The following OXR1 variants were observed in gnomAD, a reference collection of about 807,000 sequenced individuals.
OXR1 encodes the protein oxidation resistance protein 1.
OXR1 carries 41 observed loss-of-function variants against 104.6 expected under a neutral mutation model. The observed-to-expected ratio is 0.39, with a 90% CI of 0.31 to 0.51. The LOEUF (loss-of-function observed/expected upper bound fraction) is 0.51, where lower values mean the gene tolerates loss of function less well. Among genes scored for constraint, OXR1 ranks in the 20% least tolerant of loss-of-function variants. The pLI is 0.77. For synonymous variants in OXR1, 348 were observed against 348.4 expected (o/e 1.00, Z 0.01); for missense variants, 955 against 1,031.9 (o/e 0.93, Z 1.02).
chr8:106,426,668 G>C lies in OXR1; in HGVS notation c.23+67032G>C, dbSNP rs530690977. ...GCTTCACTTAGTTGTGTGACCTAGGGCAAGTTTTTAAAACTCTTTGTGCCT... is the reference window on the plus strand; with the variant it reads ...GCTTCACTTAGTTGTGTGACCTAGGCCAAGTTTTTAAAACTCTTTGTGCCT... On this transcript the variant is annotated intron_variant, in intron 2 of 16. Transcript: ENST00000517566. Among the ~76,000 whole-genome samples the C allele has an allele frequency of 3.3e-5, 5 of 152,152 alleles. No individual in the cohort carries two copies. The East Asian group carries it at 9.7e-4, about 29-fold the overall frequency.
intron 1 of OXR1, among the ~76,000 whole-genome samples, chr8:106,333,551 C>CTCTAA (rs1400761400): frequency 1.2e-4 from 18 of 151,996 alleles, no homozygotes; most frequent in Admixed American, 1.2e-3. Flanking sequence ...AAAAATATTT[C>CTCTAA]TCTAATCCAA....
intron 3 of OXR1, among the ~76,000 whole-genome samples, chr8:106,569,642 A>G (rs911076004): frequency 2.6e-5 from 4 of 152,154 alleles, no homozygotes; most frequent in Admixed American, 2.6e-4. Context: ...TGTCTTACTA[A>G]TTTGATTAAT....
At chr8:106,358,755 C>T (rs971770760) in intron 1 of OXR1, among the ~76,000 whole-genome samples, 2 of 152,030 alleles carry the variant, frequency 1.3e-5, no homozygotes, top group Non-Finnish European at 2.9e-5. Context: ...TTGTTACATA[C>T]ATAACACCCT....
chr8:106,711,406 CATT>C (rs1363437741), intron 10 of OXR1, among the ~76,000 whole-genome samples: 1 of 152,098 alleles, frequency 6.6e-6, no homozygotes, highest in Non-Finnish European at 1.5e-5. Context: ...GACATTGCAT[CATT>C]ACTTTTTCTC....
intron 1 of OXR1, among the ~76,000 whole-genome samples, chr8:106,330,657 C>T (rs1216960088): frequency 6.6e-6 from 1 of 152,136 alleles, no homozygotes; most frequent in Non-Finnish European, 1.5e-5. Context: ...TAGATTATGA[C>T]TTGTCTTCTT....
At chr8:106,410,009 C>T in intron 2 of OXR1, among the ~76,000 whole-genome samples, 1 of 139,834 alleles carries the variant, frequency 7.2e-6, no homozygotes. Context: ...AACACACACA[C>T]ACACACATAA....
intron 11 of OXR1, among the ~76,000 whole-genome samples, chr8:106,719,701 T>C (rs1334467498): frequency 2.0e-5 from 3 of 152,228 alleles, no homozygotes; most frequent in Non-Finnish European, 4.4e-5. Flanking sequence ...CCATAGTGTC[T>C]GTTAACATGT....
chr8:106,464,936 A>G (rs538960402), intron 2 of OXR1, among the ~76,000 whole-genome samples: 3 of 152,124 alleles, frequency 2.0e-5, no homozygotes, highest in African/African-American at 7.2e-5. Context: ...AGTAGTTACT[A>G]TATGCTAGGT....
At chr8:106,509,056 CAT>C (rs1321656609) in intron 2 of OXR1, among the ~76,000 whole-genome samples, 14 of 152,268 alleles carry the variant, frequency 9.2e-5, no homozygotes, top group Admixed American at 9.2e-4. Context: ...TTAAAATAGT[CAT>C]ATTTATTCTG....
At chr8:106,502,194 G>T (rs1053781218) in intron 2 of OXR1, among the ~76,000 whole-genome samples, 4 of 152,176 alleles carry the variant, frequency 2.6e-5, no homozygotes, top group African/African-American at 9.7e-5. Context: ...CCTGTGCTTA[G>T]CAAGGCTTCA....
rs140187380 is a variant in OXR1, at chr8:106,750,480, C to G, written c.2487-326C>G. 2.0e-5 allele frequency among the ~76,000 whole-genome samples: 3 copies of G among 152,020 alleles called. No homozygotes were observed. In the East Asian group the frequency reaches 5.8e-4, roughly 30 times the overall value. On this transcript the variant is annotated intron_variant, in intron 16 of 16. Transcript: ENST00000517566. ...AGCTGGGATTACAGGCATGTGCCAC[C>G]GCGCCTGGCTAATTTTTTTTGTATT...
intron 15 of OXR1, 162 bp downstream of exon 15, chr8:106,742,479 C>A: frequency 1.9e-6 from 1 of 518,026 alleles, no homozygotes; most frequent in Non-Finnish European, 3.4e-6. Context: ...AAAAAGAGCC[C>A]AAATAGCCAA....
At chr8:106,349,366 C>T (rs2130301923) in intron 1 of OXR1, among the ~76,000 whole-genome samples, 1 of 151,874 alleles carries the variant, frequency 6.6e-6, no homozygotes, top group South Asian at 2.1e-4. Flanking sequence ...ATATGTTATT[C>T]AGATGCTTTA....
intron 2 of OXR1, among the ~76,000 whole-genome samples, chr8:106,407,665 C>A (rs1309965653): frequency 6.6e-6 from 1 of 152,160 alleles, no homozygotes; most frequent in Non-Finnish European, 1.5e-5. Flanking sequence ...TTCAGCAGTA[C>A]AAACTGTCTG....
intron 2 of OXR1, among the ~76,000 whole-genome samples, chr8:106,444,819 A>T (rs1160391852): frequency 1.3e-5 from 2 of 152,184 alleles, no homozygotes; most frequent in African/African-American, 4.8e-5. Flanking sequence ...AAGATATATT[A>T]AAAAGGATAG....
At position 106,383,252 on chromosome 8, in the gene OXR1, G is replaced by A. The variant is rs567397586; in HGVS notation, c.23+23616G>A. On this transcript the variant is annotated intron_variant, in intron 2 of 16. Transcript: ENST00000517566. ...TTTTAATTAGGTTTATAGCATTAAA[G>A]TTGTTTTTATATTTCTCTATGTAAA... Among the ~76,000 whole-genome samples, 6 of 152,216 alleles carry A rather than the reference G, an allele frequency of 3.9e-5. No homozygotes were observed. The East Asian group carries it at 1.2e-3, about 29-fold the overall frequency.
chr8:106,565,787 A>G (rs1376216729), intron 3 of OXR1, among the ~76,000 whole-genome samples: 1 of 152,178 alleles, frequency 6.6e-6, no homozygotes, highest in Non-Finnish European at 1.5e-5. Flanking sequence ...AGGTATGTAG[A>G]CCAATGGAAC....
At chr8:106,698,950 C>G (rs1399580654) in intron 7 of OXR1, among the ~76,000 whole-genome samples, 1 of 152,078 alleles carries the variant, frequency 6.6e-6, no homozygotes, top group African/African-American at 2.4e-5. Context: ...TAATTGGATA[C>G]TGAATATTTT....
At chr8:106,685,213 A>G (rs778004159) in intron 6 of OXR1, among the ~76,000 whole-genome samples, 2 of 152,232 alleles carry the variant, frequency 1.3e-5, no homozygotes, top group African/African-American at 2.4e-5. Flanking sequence ...TTACTTACCA[A>G]ATGACACAAT....
Sources: gnomAD v4.1 joint callset for allele counts (sites outside exome capture counted in the v4.1 genomes callset) on GRCh38, gnomAD v4.1.1 for gene constraint, MANE v1.5 for transcripts, NCBI Gene and HGNC (gene_info 2026-07-23, HGNC 2026-07-21) for gene names.